PCED1B: variants seen among roughly 807,000 people sequenced by gnomAD.
The protein encoded by PCED1B is PC-esterase domain-containing protein 1B.
For synonymous variants in PCED1B, 251 were observed against 246.1 expected (o/e 1.02, Z -0.19); for missense variants, 573 against 573.9 (o/e 1.00, Z 0.02).
chr12:47,156,198 A>C (rs2137478164), intron 2 of PCED1B, among the ~76,000 whole-genome samples: 1 of 152,316 alleles, frequency 6.6e-6, no homozygotes, highest in Middle Eastern at 3.4e-3. Flanking sequence ...ATAGCCAAGA[A>C]CAAAATTTTA....
At chr12:47,178,000 C>A (rs1941978185) in intron 2 of PCED1B, among the ~76,000 whole-genome samples, 1 of 152,076 alleles carries the variant, frequency 6.6e-6, no homozygotes, top group Middle Eastern at 3.2e-3. Flanking sequence ...GCTGACAGAT[C>A]TATTTTCTTG....
intron 2 of PCED1B, among the ~76,000 whole-genome samples, chr12:47,164,026 AT>A (rs1391095498): frequency 6.6e-6 from 1 of 152,174 alleles, no homozygotes; most frequent in Non-Finnish European, 1.5e-5. Flanking sequence ...CTTATGAGGG[AT>A]TAATCCTTGT....
rs150218965 is a variant in PCED1B at position 47,235,555 on chromosome 12, G to A, written c.492G>A (p.Thr164=). ...AGTCTTGCCTCCTGGTGTGGAACAC[G>A]GCCATGCCTGTGGGCGAGGAAGTCA... is the stretch of plus-strand genomic sequence containing the variant. ...LPESCLLVWN[T]AMPVGEEVTG... is the part of the protein sequence containing the mutation. The change falls in exon 4 of 4, where the codon ACG becomes ACA. Residue 164 remains threonine, a synonymous_variant. Coordinates refer to ENST00000546455, the MANE Select transcript of PCED1B (RefSeq NM_138371.3). 6 of 1,609,654 alleles carry A rather than the reference G, an allele frequency of 3.7e-6. No homozygotes were observed. The Admixed American group carries it at 6.7e-5, about 18-fold the overall frequency.
chr12:47,169,749 G>T (rs1243078663), intron 2 of PCED1B, among the ~76,000 whole-genome samples: 1 of 151,686 alleles, frequency 6.6e-6, no homozygotes, highest in Non-Finnish European at 1.5e-5. Context: ...TAGTGTTTTG[G>T]GAGGCCAAGA....
chr12:47,192,178 T>G (rs1440301814), intron 2 of PCED1B, among the ~76,000 whole-genome samples: 2 of 151,780 alleles, frequency 1.3e-5, no homozygotes, highest in Non-Finnish European at 2.9e-5. Context: ...TTTTTGTTTT[T>G]TTTTTTTTGC....
chr12:47,120,841 A>C (rs1161445831), intron 2 of PCED1B, among the ~76,000 whole-genome samples: 1 of 152,162 alleles, frequency 6.6e-6, no homozygotes, highest in African/African-American at 2.4e-5. Flanking sequence ...AATACATGCT[A>C]CAACGTGGAT....
chr12:47,100,686 C>T (rs550007877), intron 1 of PCED1B, among the ~76,000 whole-genome samples: 1 of 152,296 alleles, frequency 6.6e-6, no homozygotes, highest in South Asian at 2.1e-4. Context: ...AATATTTTCA[C>T]ACTTTCTGGC....
chr12:47,102,672 A>G (rs960108824), intron 1 of PCED1B, among the ~76,000 whole-genome samples: 4 of 152,184 alleles, frequency 2.6e-5, no homozygotes, highest in Non-Finnish European at 4.4e-5. Flanking sequence ...TGTGTGTCCA[A>G]TGGGCCAGTT....
chr12:47,157,841 CT>C (rs1315664663), intron 2 of PCED1B, among the ~76,000 whole-genome samples: 1 of 152,158 alleles, frequency 6.6e-6, no homozygotes, highest in Non-Finnish European at 1.5e-5. Flanking sequence ...CAGTATACCA[CT>C]TTCTGTCTCT....
intron 2 of PCED1B, among the ~76,000 whole-genome samples, chr12:47,127,547 GT>G (rs1426062817): frequency 6.6e-6 from 1 of 151,214 alleles, no homozygotes; most frequent in East Asian, 1.9e-4. Flanking sequence ...GTATTTTTTA[GT>G]AGAAACAGGG....
At chr12:47,167,366 C>G (rs1014532712) in intron 2 of PCED1B, among the ~76,000 whole-genome samples, 2 of 151,998 alleles carry the variant, frequency 1.3e-5, no homozygotes, top group African/African-American at 4.8e-5. Flanking sequence ...TGCTGACCAA[C>G]TAGGAAAATG....
At chr12:47,196,016 G>A (rs1942592251) in intron 2 of PCED1B, among the ~76,000 whole-genome samples, 2 of 152,114 alleles carry the variant, frequency 1.3e-5, no homozygotes, top group Admixed American at 6.5e-5. Flanking sequence ...ATTTTCCAAA[G>A]ATTAGTCAAA....
chr12:47,141,123 T>C (rs1160095792), intron 2 of PCED1B, among the ~76,000 whole-genome samples: 1 of 152,192 alleles, frequency 6.6e-6, no homozygotes, highest in Non-Finnish European at 1.5e-5. Flanking sequence ...TTACTAGGTA[T>C]AGAGCCTTGA....
chr12:47,207,831 CT>C (rs1942957024), intron 2 of PCED1B, among the ~76,000 whole-genome samples: 1 of 152,102 alleles, frequency 6.6e-6, no homozygotes, highest in South Asian at 2.1e-4. Flanking sequence ...CTTTTTGGAG[CT>C]TTTCTATTTA....
chr12:47,215,351 T>G (rs1943222291), intron 2 of PCED1B, among the ~76,000 whole-genome samples: 2 of 151,596 alleles, frequency 1.3e-5, no homozygotes, highest in South Asian at 4.2e-4. Context: ...CCTCCTGGGT[T>G]CAAGCGATTC....
chr12:47,082,447 G>T (rs181074349), intron 1 of PCED1B, among the ~76,000 whole-genome samples: 3 of 152,270 alleles, frequency 2.0e-5, no homozygotes, highest in Non-Finnish European at 4.4e-5. Context: ...CCTGGATCTG[G>T]TAGTACCTGA....
At chr12:47,205,088 G>A (rs192752454) in intron 2 of PCED1B, among the ~76,000 whole-genome samples, 5 of 152,292 alleles carry the variant, frequency 3.3e-5, no homozygotes, top group African/African-American at 1.2e-4. Flanking sequence ...ACTCAAATCA[G>A]CCTCTCCAGA....
intron 2 of PCED1B, among the ~76,000 whole-genome samples, chr12:47,118,462 G>T (rs1403363695): frequency 1.3e-5 from 2 of 152,098 alleles, no homozygotes; most frequent in Non-Finnish European, 2.9e-5. Flanking sequence ...TTTCCCCATT[G>T]CTTGTTTTTG....
chr12:47,200,812 A>C (rs1273230247), intron 2 of PCED1B, among the ~76,000 whole-genome samples: 1 of 152,262 alleles, frequency 6.6e-6, no homozygotes, highest in Non-Finnish European at 1.5e-5. Flanking sequence ...ACTGCAGAGT[A>C]AGTGGAAAAA....
Sources: allele counts gnomAD v4.1 joint callset (sites outside exome capture counted in the v4.1 genomes callset), GRCh38; gene constraint gnomAD v4.1.1; transcripts MANE v1.5; gene names NCBI Gene and HGNC (gene_info 2026-07-23, HGNC 2026-07-21).